Variants in FKTN observed in about 807,000 individuals in gnomAD.
FKTN encodes the protein ribitol-5-phosphate transferase FKTN.
In FKTN, 47 loss-of-function variants were observed where a neutral mutation model predicts 58.6. That is an observed-to-expected ratio of 0.80 (90% CI 0.63 to 1.02). The LOEUF (loss-of-function observed/expected upper bound fraction) is 1.02. FKTN is among the 50% of genes least tolerant of loss of function. The pLI is 0.00. For missense variants in FKTN, 516 were observed against 537.3 expected (o/e 0.96, Z 0.39); for synonymous variants, 178 against 191.9 (o/e 0.93, Z 0.60).
intron 1 of FKTN, among the ~76,000 whole-genome samples, chr9:105,559,379 G>A (rs958521470): frequency 8.5e-5 from 13 of 152,178 alleles, no homozygotes; most frequent in African/African-American, 3.1e-4. Flanking sequence ...AGTTGACAGA[G>A]AATAAAATTG....
chr9:105,560,042 C>T (rs1344510687), intron 1 of FKTN, among the ~76,000 whole-genome samples: 2 of 152,176 alleles, frequency 1.3e-5, no homozygotes, highest in African/African-American at 2.4e-5. Context: ...ATAATAAGCA[C>T]CTACTTCTGG....
intron 3 of FKTN, among the ~76,000 whole-genome samples, chr9:105,590,884 G>C (rs1267411519): frequency 7.1e-6 from 1 of 141,222 alleles, no homozygotes. Flanking sequence ...TTCTGGGGAG[G>C]CCTCAGGAAA....
At chr9:105,563,031 C>T (rs1838592523) in intron 1 of FKTN, among the ~76,000 whole-genome samples, 1 of 152,138 alleles carries the variant, frequency 6.6e-6, no homozygotes, top group Admixed American at 6.5e-5. Context: ...CAAACAGACC[C>T]CTACCTAGGT....
intron 3 of FKTN, among the ~76,000 whole-genome samples, chr9:105,594,396 C>T (rs976558829): frequency 1.3e-5 from 2 of 152,116 alleles, no homozygotes; most frequent in African/African-American, 4.8e-5. Context: ...ACAGTTAATA[C>T]ACAAGGGGAA....
At chr9:105,562,389 G>A (rs1838463977) in intron 1 of FKTN, among the ~76,000 whole-genome samples, 1 of 152,220 alleles carries the variant, frequency 6.6e-6, no homozygotes, top group African/African-American at 2.4e-5. Flanking sequence ...ACCTCTGGGT[G>A]GGGAGCCACG....
At chr9:105,629,170 T>G (rs1833097179) in intron 10 of FKTN, among the ~76,000 whole-genome samples, 1 of 152,042 alleles carries the variant, frequency 6.6e-6, no homozygotes, top group Non-Finnish European at 1.5e-5. Context: ...AAGATAAGCC[T>G]GGGCAACATA....
chr9:105,627,243 A>T (rs1832860667), intron 10 of FKTN, among the ~76,000 whole-genome samples: 1 of 152,158 alleles, frequency 6.6e-6, no homozygotes, highest in South Asian at 2.1e-4. Flanking sequence ...AAGTGATTGG[A>T]ATACAGGCAT....
Position 105,638,891 on chromosome 9 carries a change from G to A in FKTN, c.*3627G>A, listed in dbSNP as rs1257285276. 2 of 985,022 alleles carry A rather than the reference G, an allele frequency of 2.0e-6. No individual in the cohort carries two copies. Among genetic ancestry groups the A allele is most frequent in the African/African-American group, 3.5e-5 (2 of 57,156 alleles). The allele number at this position is 985,022 out of a possible 1,614,324, so 61.0% of individuals were successfully genotyped here. A position where few individuals can be genotyped will look rare whatever the true frequency, so the allele number is the denominator to read the frequency against. ...AGTACTTCAAATGGCACATAGATAG[G>A]CAGGATATTACATAGGTAAGCAGGA... On this transcript the variant is annotated 3_prime_UTR_variant, in exon 11 of 11. Transcript: ENST00000357998.
rs146118836 is a variant in FKTN, at chr9:105,629,218, T to C, written c.1173-5833T>C. On this transcript the variant is annotated intron_variant, in intron 10 of 10. Coordinates refer to ENST00000357998, the MANE Select transcript of FKTN (RefSeq NM_001079802.2). ...GTCTACAAAAAAATAAAAACTAAAC[T>C]TAAAAAAGGTTAAAAAGATAAAAAA... Among the ~76,000 whole-genome samples, 798 of 151,774 alleles carry C rather than the reference T, an allele frequency of 5.3e-3. 8 individuals carry two copies. Among genetic ancestry groups the C allele is most frequent in the African/African-American group, 0.019 (773 of 41,376 alleles).
intron 3 of FKTN, among the ~76,000 whole-genome samples, chr9:105,584,341 C>A (rs1843542163): frequency 6.6e-6 from 1 of 151,794 alleles, no homozygotes; most frequent in Admixed American, 6.6e-5. Context: ...ATGCCTTATT[C>A]ATTAAAGAAA....
At chr9:105,579,918 T>C (rs895338733) in intron 3 of FKTN, among the ~76,000 whole-genome samples, 10 of 151,922 alleles carry the variant, frequency 6.6e-5, no homozygotes, top group African/African-American at 9.7e-5. Context: ...TACCATTATG[T>C]AATGGCCTTC....
At chr9:105,627,132 C>A (rs1391476726) in intron 10 of FKTN, among the ~76,000 whole-genome samples, 1 of 151,756 alleles carries the variant, frequency 6.6e-6, no homozygotes, top group Non-Finnish European at 1.5e-5. Context: ...TCCATCATAC[C>A]CAGCTATTTT....
At chr9:105,605,143 A>G (rs1269189684) in intron 6 of FKTN, among the ~76,000 whole-genome samples, 2 of 151,974 alleles carry the variant, frequency 1.3e-5, no homozygotes, top group Non-Finnish European at 2.9e-5. Flanking sequence ...TTTCCATTCA[A>G]AAGTTTCTTT....
In FKTN at chr9:105,636,615, G is replaced by GT; in HGVS notation, c.*1352dup. The GT allele has an allele frequency of 6.7e-6, 8 of 1,189,572 alleles. No homozygotes were observed. The highest frequency in any genetic ancestry group is 6.5e-6 in the Non-Finnish European group (6 of 921,274). The allele number at this position is 1,189,572 out of a possible 1,614,324, so 73.7% of individuals were successfully genotyped here. ...ATATCACTTGAATGATATATTGTAA[G>GT]TGAGAGGTAAAGGAAAATGTAGGCA... On this transcript the variant is annotated 3_prime_UTR_variant, in exon 11 of 11. Transcript: ENST00000357998.
At chr9:105,581,243 C>G (rs2132203080) in intron 3 of FKTN, among the ~76,000 whole-genome samples, 1 of 149,042 alleles carries the variant, frequency 6.7e-6, no homozygotes, top group Admixed American at 6.7e-5. Context: ...GAGAGGCGCT[C>G]TGCGTTTTAG....
At chr9:105,615,245 G>T (rs1475816792) in intron 7 of FKTN, 33 bp from the exon 8 acceptor site, 1 of 1,609,348 alleles carries the variant, frequency 6.2e-7, no homozygotes, top group Non-Finnish European at 8.5e-7. Flanking sequence ...TTTAGAAATG[G>T]CTGTAATAGC....
At chr9:105,614,482 C>T (rs1830466539) in intron 7 of FKTN, among the ~76,000 whole-genome samples, 1 of 152,112 alleles carries the variant, frequency 6.6e-6, no homozygotes, top group Admixed American at 6.5e-5. Flanking sequence ...ATGATATGTA[C>T]ATGGTCAAAG....
rs1833935107 is a variant in FKTN at position 105,635,143 on chromosome 9, A to G, written c.1265A>G (p.Asn422Ser). Residue 422 changes from asparagine to serine, a missense_variant, in exon 11 of 11, where the codon AAC (asparagine) becomes AGC (serine). Asn to Ser is a conservative substitution (Grantham distance 46). Transcript: ENST00000357998. ...GAAACCCTCGAATACATTGAAGCCA[A>G]CTATGGTAAGACCTGGAAGATTCCT... Reference protein sequence around the residue: ...PCETLEYIEANYGKTWKIPVK... With the variant: ...PCETLEYIEASYGKTWKIPVK... 1.2e-6 allele frequency: 2 copies of G among 1,614,082 alleles called. No individual in the cohort carries two copies. Among genetic ancestry groups the G allele is most frequent in the African/African-American group, 1.3e-5 (1 of 75,052 alleles).
chr9:105,634,954 G>C (rs539294453), intron 10 of FKTN, 97 bp from the exon 11 acceptor site: 343 of 935,694 alleles, frequency 3.7e-4, no homozygotes, highest in Non-Finnish European at 1.7e-4. Context: ...TGTGTAATGG[G>C]AGAGCACTGT....
Sources: gnomAD v4.1 joint callset for allele counts (sites outside exome capture counted in the v4.1 genomes callset) on GRCh38, gnomAD v4.1.1 for gene constraint, MANE v1.5 for transcripts, NCBI Gene and HGNC (gene_info 2026-07-23, HGNC 2026-07-21) for gene names.